Variants in TEAD1 observed in about 807,000 individuals in gnomAD.
The protein encoded by TEAD1 is transcriptional enhancer factor TEF-1.
In TEAD1, 9 loss-of-function variants were observed where a neutral mutation model predicts 54.9. That is an observed-to-expected ratio of 0.16 (90% CI 0.10 to 0.29). TEAD1 has a LOEUF of 0.29. Among genes scored for constraint, TEAD1 ranks in the 10% least tolerant of loss-of-function variants. The pLI is 1.00. For missense variants in TEAD1, 387 were observed against 535.9 expected (o/e 0.72, Z 2.74); for synonymous variants, 200 against 187.8 (o/e 1.07, Z -0.53).
intron 3 of TEAD1, chr11:12,828,193 C>CAAG (rs1453837446): frequency 1.3e-5 from 2 of 152,228 alleles, no homozygotes; most frequent in Non-Finnish European, 2.9e-5. Flanking sequence ...CAGGATGGAG[C>CAAG]TCTCTTCCTG....
chr11:12,794,668 C>A (rs746881172), intron 3 of TEAD1, among the ~76,000 whole-genome samples: 1 of 152,134 alleles, frequency 6.6e-6, no homozygotes, highest in East Asian at 1.9e-4. Context: ...GCCTCTGTGG[C>A]GAGCCGGGCC....
intron 3 of TEAD1, among the ~76,000 whole-genome samples, chr11:12,815,513 C>T: frequency 6.6e-6 from 1 of 152,174 alleles, no homozygotes; most frequent in East Asian, 1.9e-4. Flanking sequence ...ATGCAAAACA[C>T]AGTGTGTAAC....
intron 3 of TEAD1, among the ~76,000 whole-genome samples, chr11:12,846,231 G>T (rs1042982790): frequency 6.6e-6 from 1 of 152,144 alleles, no homozygotes; most frequent in South Asian, 2.1e-4. Flanking sequence ...TGCATGGAGA[G>T]TGGAGCCCGC....
At chr11:12,929,801 T>A (rs1948980845) in intron 11 of TEAD1, among the ~76,000 whole-genome samples, 1 of 152,206 alleles carries the variant, frequency 6.6e-6, no homozygotes, top group African/African-American at 2.4e-5. Context: ...TGAGGCTTTA[T>A]CACAATAAAG....
intron 5 of TEAD1, among the ~76,000 whole-genome samples, chr11:12,873,362 C>T (rs894072926): frequency 6.6e-6 from 1 of 152,148 alleles, no homozygotes; most frequent in African/African-American, 2.4e-5. Context: ...ATGAGGCACA[C>T]CTATGAGTTT....
chr11:12,705,927 A>C (rs1052688214), intron 2 of TEAD1, among the ~76,000 whole-genome samples: 7 of 152,270 alleles, frequency 4.6e-5, no homozygotes, highest in Middle Eastern at 3.4e-3. Flanking sequence ...CATTGTTCTA[A>C]ACCTTTCAAA....
chr11:12,798,043 G>A (rs918344836), intron 3 of TEAD1, among the ~76,000 whole-genome samples: 5 of 152,138 alleles, frequency 3.3e-5, no homozygotes, highest in African/African-American at 9.7e-5. Flanking sequence ...TATTAAAGCC[G>A]TTTGTGTAAC....
chr11:12,837,709 C>T (rs10765997), intron 3 of TEAD1, among the ~76,000 whole-genome samples: 96,402 of 146,424 alleles, frequency 0.66, 32,255 homozygotes, highest in East Asian at 0.76. Context: ...TCCCTTCTCC[C>T]TTCTCCTTCT....
intron 9 of TEAD1, among the ~76,000 whole-genome samples, chr11:12,884,510 C>T (rs999958383): frequency 2.6e-5 from 4 of 152,162 alleles, no homozygotes; most frequent in Admixed American, 6.5e-5. Flanking sequence ...TGACCTCTCA[C>T]GGGAGTGTTT....
At chr11:12,681,017 G>A (rs970564599) in intron 2 of TEAD1, among the ~76,000 whole-genome samples, 18 of 152,156 alleles carry the variant, frequency 1.2e-4, no homozygotes, top group African/African-American at 3.9e-4. Flanking sequence ...ATTGTGAGCC[G>A]ATGCTTCCTT....
chr11:12,856,837 C>T (rs551937389), intron 3 of TEAD1, among the ~76,000 whole-genome samples: 1 of 152,006 alleles, frequency 6.6e-6, no homozygotes, highest in Non-Finnish European at 1.5e-5. Flanking sequence ...TTAGGACTGG[C>T]CACGGCCAGG....
intron 2 of TEAD1, among the ~76,000 whole-genome samples, chr11:12,716,252 G>T (rs1406035450): frequency 1.3e-5 from 2 of 152,092 alleles, no homozygotes; most frequent in Non-Finnish European, 2.9e-5. Context: ...GAATCGCTGT[G>T]CCCCAATCCA....
At chr11:12,688,977 C>T (rs1414837306) in intron 2 of TEAD1, among the ~76,000 whole-genome samples, 2 of 151,146 alleles carry the variant, frequency 1.3e-5, no homozygotes, top group Non-Finnish European at 2.9e-5. Context: ...GCCCCAGCTT[C>T]CCCTCTTGCT....
intron 2 of TEAD1, among the ~76,000 whole-genome samples, chr11:12,722,342 C>T (rs778674924): frequency 6.6e-6 from 1 of 152,160 alleles, no homozygotes; most frequent in Non-Finnish European, 1.5e-5. Flanking sequence ...GGGAAGACTC[C>T]TTCCTGAGTG....
At chr11:12,722,066 G>A (rs1303801572) in intron 2 of TEAD1, among the ~76,000 whole-genome samples, 2 of 152,220 alleles carry the variant, frequency 1.3e-5, no homozygotes, top group Non-Finnish European at 2.9e-5. Context: ...TGAATTGGTT[G>A]CAGGTGGTCT....
At chr11:12,930,512 T>C (rs1948993610) in intron 12 of TEAD1, among the ~76,000 whole-genome samples, 186 bp downstream of exon 12, 1 of 152,200 alleles carries the variant, frequency 6.6e-6, no homozygotes, top group Admixed American at 6.5e-5. Context: ...GGCTTGATTC[T>C]GTAGAAGAGA....
intron 9 of TEAD1, among the ~76,000 whole-genome samples, chr11:12,895,874 C>T (rs566930715): frequency 6.6e-6 from 1 of 152,222 alleles, no homozygotes; most frequent in East Asian, 1.9e-4. Context: ...TTTTAGGCAT[C>T]ATCTGTTGAC....
chr11:12,764,507 T>C (rs1945163177), intron 3 of TEAD1, 73 bp downstream of exon 3: 1 of 1,547,740 alleles, frequency 6.5e-7, no homozygotes, highest in Admixed American at 1.7e-5. Flanking sequence ...GTAGCTGGTC[T>C]TCCAGCAAGA....
chr11:12,906,162 G>A (rs920176239), intron 10 of TEAD1, among the ~76,000 whole-genome samples: 5 of 152,198 alleles, frequency 3.3e-5, no homozygotes, highest in African/African-American at 1.2e-4. Flanking sequence ...CTTAAAGCCC[G>A]TATGAATGGC....
Sources: gnomAD v4.1 joint callset for allele counts (sites outside exome capture counted in the v4.1 genomes callset) on GRCh38, gnomAD v4.1.1 for gene constraint, MANE v1.5 for transcripts, NCBI Gene and HGNC (gene_info 2026-07-23, HGNC 2026-07-21) for gene names.